TXNDC16: variants seen among roughly 807,000 people sequenced by gnomAD.
The protein encoded by TXNDC16 is thioredoxin domain containing 16, also known as thioredoxin domain-containing protein 16.
Under a neutral mutation model 85.6 loss-of-function variants are expected in TXNDC16, and 74 were observed. The observed-to-expected ratio is 0.86, with a 90% confidence interval of 0.72 to 1.05. The LOEUF (loss-of-function observed/expected upper bound fraction) is 1.05. TXNDC16 is among the 50% of genes least tolerant of loss of function. TXNDC16 has a pLI of 0.00. For missense variants in TXNDC16, 959 were observed against 947.0 expected (o/e 1.01, Z -0.17); for synonymous variants, 335 against 326.5 (o/e 1.03, Z -0.28).
chr14:52,487,380 T>C (rs2036294916), intron 12 of TXNDC16, among the ~76,000 whole-genome samples: 2 of 152,200 alleles, frequency 1.3e-5, no homozygotes, highest in African/African-American at 4.8e-5. Context: ...GAAAATGATA[T>C]GTAAATTGCT....
At chr14:52,540,587 T>C (rs1424515154) in intron 4 of TXNDC16, among the ~76,000 whole-genome samples, 1 of 152,078 alleles carries the variant, frequency 6.6e-6, no homozygotes, top group Non-Finnish European at 1.5e-5. Flanking sequence ...ATGGTGCCAC[T>C]GCACTCCAGC....
chr14:52,432,214 G>A lies in TXNDC16; in HGVS notation c.*90C>T. ...TAATTCTATTGGATGGCACTAGTCT[G>A]CAAACTTGAAATGATTTAATATTAT... On this transcript the variant is annotated 3_prime_UTR_variant, in exon 21 of 21. Transcript: ENST00000281741. 8.1e-7 allele frequency: 1 copy of A among 1,234,786 alleles called. No individual in the cohort carries two copies. Among genetic ancestry groups the A allele is most frequent in the Non-Finnish European group, 1.1e-6 (1 of 908,880 alleles). 76.5% of individuals were successfully genotyped at this position (1,234,786 alleles called of 1,614,324 possible). A position where few individuals can be genotyped will look rare whatever the true frequency, so the allele number is the denominator to read the frequency against.
At chr14:52,456,171 A>G (rs1369394901) in intron 17 of TXNDC16, among the ~76,000 whole-genome samples, 3 of 152,240 alleles carry the variant, frequency 2.0e-5, no homozygotes, top group Admixed American at 1.3e-4. Context: ...AAGTATAGAC[A>G]TTATAACAAC....
chr14:52,466,831 C>T (rs1422011659), intron 16 of TXNDC16, among the ~76,000 whole-genome samples: 1 of 152,002 alleles, frequency 6.6e-6, no homozygotes, highest in Non-Finnish European at 1.5e-5. Flanking sequence ...CACGCCACTG[C>T]ACTCCAGCCT....
chr14:52,493,946 A>G (rs532059681), intron 9 of TXNDC16, among the ~76,000 whole-genome samples: 18 of 151,830 alleles, frequency 1.2e-4, no homozygotes, highest in African/African-American at 4.4e-4. Flanking sequence ...AAGCCCAGCT[A>G]ATTTTTATAT....
chr14:52,498,632 A>G (rs1383916910), intron 9 of TXNDC16, among the ~76,000 whole-genome samples: 1 of 152,210 alleles, frequency 6.6e-6, no homozygotes, highest in Non-Finnish European at 1.5e-5. Flanking sequence ...AGACCCTTAT[A>G]CTGAAAACTA....
At chr14:52,536,832 C>CA (rs746779501) in intron 5 of TXNDC16, 39 bp from the exon 6 acceptor site, 13 of 1,480,318 alleles carry the variant, frequency 8.8e-6, no homozygotes, top group Non-Finnish European at 1.1e-5. Context: ...TTGAAAAATA[C>CA]AAAAAATATT....
intron 4 of TXNDC16, 116 bp downstream of exon 4, chr14:52,542,255 A>G (rs1247027485): frequency 5.8e-6 from 4 of 689,596 alleles, no homozygotes; most frequent in South Asian, 2.3e-5. Context: ...TGAAAAAAAT[A>G]TATTTCCAGT....
Position 52,433,673 on chromosome 14 carries a change from C to G in TXNDC16, c.2195-1086G>C, listed in dbSNP as rs139790208. 3.4e-3 allele frequency among the ~76,000 whole-genome samples: 521 copies of G among 152,290 alleles called. 2 individuals carry two copies. The highest frequency in any genetic ancestry group is 0.012 in the African/African-American group (482 of 41,550). On this transcript the variant is annotated intron_variant, in intron 20 of 20. Transcript: ENST00000281741. ...CTTATTGATATATAATTTCTTCACTCATACTCAACTATATGAAATCCTGGT... is the reference window on the plus strand; with the variant it reads ...CTTATTGATATATAATTTCTTCACTGATACTCAACTATATGAAATCCTGGT...
chr14:52,466,878 A>G (rs912254903), intron 16 of TXNDC16, among the ~76,000 whole-genome samples: 7 of 152,082 alleles, frequency 4.6e-5, no homozygotes, highest in Non-Finnish European at 1.5e-5. Context: ...AAAAATAATA[A>G]TAATAAAAAA....
At chr14:52,541,402 A>C (rs74050904) in intron 4 of TXNDC16, among the ~76,000 whole-genome samples, 15,388 of 152,088 alleles carry the variant, frequency 0.1, 917 homozygotes, top group East Asian at 0.17. Context: ...CCAACCTACT[A>C]CTTCATTTCT....
intron 18 of TXNDC16, among the ~76,000 whole-genome samples, chr14:52,444,677 T>TA (rs1425855104): frequency 1.3e-5 from 2 of 152,102 alleles, no homozygotes; most frequent in Non-Finnish European, 2.9e-5. Context: ...ATATAATCTT[T>TA]AAAAAAATTA....
intron 6 of TXNDC16, among the ~76,000 whole-genome samples, chr14:52,528,558 A>G (rs79454446): frequency 6.6e-6 from 1 of 151,812 alleles, no homozygotes. Context: ...AGAATTATAT[A>G]TGATATATAT....
intron 12 of TXNDC16, among the ~76,000 whole-genome samples, chr14:52,485,624 A>G (rs1240224461): frequency 2.0e-5 from 3 of 151,942 alleles, no homozygotes; most frequent in Non-Finnish European, 4.4e-5. Flanking sequence ...TTTTTATTGT[A>G]CCTCTTCTGT....
chr14:52,529,764 A>T (rs2037444954), intron 6 of TXNDC16, among the ~76,000 whole-genome samples: 1 of 118,038 alleles, frequency 8.5e-6, no homozygotes, highest in Non-Finnish European at 1.6e-5. Flanking sequence ...TATAATACCT[A>T]TTATATATAT....
intron 14 of TXNDC16, among the ~76,000 whole-genome samples, chr14:52,480,678 G>T (rs563897016): frequency 6.6e-6 from 1 of 151,972 alleles, no homozygotes; most frequent in African/African-American, 2.4e-5. Context: ...AATAATAGAT[G>T]TTGGCGTGGA....
In TXNDC16 at chr14:52,548,928, G is replaced by T. The variant is rs115275417; in HGVS notation, c.-182+3388C>A. Among the ~76,000 whole-genome samples the T allele has an allele frequency of 5.3e-3, 803 of 152,236 alleles. 5 individuals carry two copies. Among genetic ancestry groups the T allele is most frequent in the African/African-American group, 0.018 (753 of 41,534 alleles). On this transcript the variant is annotated intron_variant, in intron 1 of 20. Transcript: ENST00000281741. ...ATTATTTTAAACTTCTAATGTTTCCGGGTTGTTTCCACAGTATAACCCAGT... is the reference window on the plus strand; with the variant it reads ...ATTATTTTAAACTTCTAATGTTTCCTGGTTGTTTCCACAGTATAACCCAGT...
chr14:52,528,298 G>A (rs914766353), intron 6 of TXNDC16, among the ~76,000 whole-genome samples: 4 of 152,166 alleles, frequency 2.6e-5, no homozygotes, highest in African/African-American at 9.6e-5. Context: ...TTTTTAAAAA[G>A]CAAGCCAAAT....
At chr14:52,480,945 G>C (rs550476448) in intron 14 of TXNDC16, among the ~76,000 whole-genome samples, 1 of 71,024 alleles carries the variant, frequency 1.4e-5, no homozygotes, top group South Asian at 6.3e-4. Flanking sequence ...AGACACTGTG[G>C]TGTGTGTGTG....
Sources: allele counts gnomAD v4.1 joint callset (sites outside exome capture counted in the v4.1 genomes callset), GRCh38; gene constraint gnomAD v4.1.1; transcripts MANE v1.5; gene names NCBI Gene and HGNC (gene_info 2026-07-23, HGNC 2026-07-21).